The following HEATR5A variants were observed in gnomAD, a reference collection of about 807,000 sequenced individuals.
HEATR5A encodes HEAT repeat-containing protein 5A.
In HEATR5A, 178 loss-of-function variants were observed where a neutral mutation model predicts 218.8. The observed-to-expected ratio is 0.81, with a 90% CI of 0.72 to 0.92. The LOEUF is 0.92. Among genes scored for constraint, HEATR5A ranks in the 40% least tolerant of loss-of-function variants. HEATR5A has a pLI of 0.00. For synonymous variants in HEATR5A, 864 were observed against 871.6 expected (o/e 0.99, Z 0.15); for missense variants, 2,420 against 2,418.9 (o/e 1.00, Z -0.01).
At chr14:31,370,836 C>A (rs969688187) in intron 13 of HEATR5A, among the ~76,000 whole-genome samples, 1 of 152,060 alleles carries the variant, frequency 6.6e-6, no homozygotes, top group African/African-American at 2.4e-5. Context: ...GTAATTTTTG[C>A]CTGATCAAAA....
chr14:31,408,899 G>A (rs61994160), intron 1 of HEATR5A, among the ~76,000 whole-genome samples: 28,000 of 113,214 alleles, frequency 0.25, 4,829 homozygotes, highest in Non-Finnish European at 0.36. Flanking sequence ...AGACCATCCC[G>A]GCTAAAACGG....
intron 32 of HEATR5A, 56 bp downstream of exon 32, chr14:31,304,849 C>T (rs2139135992): frequency 6.4e-7 from 1 of 1,561,422 alleles, no homozygotes; most frequent in Non-Finnish European, 8.7e-7. Context: ...ACTCCATTAT[C>T]TATTAAAACC....
intron 4 of HEATR5A, among the ~76,000 whole-genome samples, chr14:31,396,643 G>C (rs1232360685): frequency 6.6e-6 from 1 of 152,064 alleles, no homozygotes; most frequent in East Asian, 1.9e-4. Context: ...AAAAGTCATA[G>C]GTGAACATAA....
chr14:31,295,186 T>C (rs951987246), intron 34 of HEATR5A, among the ~76,000 whole-genome samples: 1 of 152,100 alleles, frequency 6.6e-6, no homozygotes, highest in African/African-American at 2.4e-5. Context: ...TGGGATAAAT[T>C]TGTGTGTATT....
At chr14:31,301,984 C>T (rs1052229887) in intron 33 of HEATR5A, among the ~76,000 whole-genome samples, 5 of 150,304 alleles carry the variant, frequency 3.3e-5, no homozygotes, top group Non-Finnish European at 7.4e-5. Flanking sequence ...AGGTATGTGC[C>T]ACCAGAATCG....
intron 21 of HEATR5A, among the ~76,000 whole-genome samples, chr14:31,339,882 T>C (rs1900788412): frequency 6.6e-6 from 1 of 152,214 alleles, no homozygotes; most frequent in Non-Finnish European, 1.5e-5. Flanking sequence ...TACAAGACAA[T>C]TTTAAAGGAA....
chr14:31,311,815 C>T (rs915612132), intron 28 of HEATR5A, among the ~76,000 whole-genome samples: 1 of 152,138 alleles, frequency 6.6e-6, no homozygotes, highest in Non-Finnish European at 1.5e-5. Flanking sequence ...GGGTGTCACT[C>T]GCATCAATCA....
At chr14:31,322,954 G>A (rs1344460952) in intron 24 of HEATR5A, among the ~76,000 whole-genome samples, 3 of 145,320 alleles carry the variant, frequency 2.1e-5, no homozygotes, top group African/African-American at 5.6e-5. Flanking sequence ...AGTAAGAGGT[G>A]GTCAAAATGG....
At chr14:31,345,815 A>G (rs114697849) in intron 19 of HEATR5A, among the ~76,000 whole-genome samples, 2,722 of 152,236 alleles carry the variant, frequency 0.018, 71 homozygotes, top group African/African-American at 0.061. Context: ...TGGGGTATTG[A>G]TAATGGACTG....
chr14:31,347,771 C>G lies in HEATR5A; in HGVS notation c.2845G>C (p.Asp949His). ...ACCTGCACATCAGGAGAAGTGCTGT[C>G]CTGCGCCAAAGTATAAAGGATTCCA... ...CIGILYTLAQ[D>H]STSPDVQTWA... Residue 949 changes from aspartate (D) to histidine (H), a missense_variant, in exon 19 of 36, where the codon GAC (aspartate) becomes CAC (histidine). Transcript: ENST00000543095. The G allele has an allele frequency of 6.2e-7, 1 of 1,606,852 alleles. No individual in the cohort carries two copies. Among genetic ancestry groups the G allele is most frequent in the Non-Finnish European group, 8.5e-7 (1 of 1,177,412 alleles).
At chr14:31,367,857 T>C (rs1489139148) in intron 13 of HEATR5A, among the ~76,000 whole-genome samples, 1 of 151,960 alleles carries the variant, frequency 6.6e-6, no homozygotes, top group Non-Finnish European at 1.5e-5. Context: ...AACACACCAA[T>C]AGAGAGCACA....
At chr14:31,325,888 A>C (rs1900252026) in intron 23 of HEATR5A, 1 of 439,088 alleles carries the variant, frequency 2.3e-6, no homozygotes, top group South Asian at 2.5e-5. Context: ...TTAGGGCATA[A>C]ACAATAACTT....
At chr14:31,341,975 TG>T (rs1444741263) in intron 21 of HEATR5A, among the ~76,000 whole-genome samples, 1 of 152,176 alleles carries the variant, frequency 6.6e-6, no homozygotes. Flanking sequence ...AGTCCCTGAA[TG>T]GTACAGGTAA....
chr14:31,359,007 CA>C lies in HEATR5A; in HGVS notation c.2121del (p.Asp708IlefsTer21), dbSNP rs1901522116. On this transcript the variant is annotated frameshift_variant, in exon 15 of 36. Coordinates refer to ENST00000543095, the MANE Select transcript of HEATR5A (RefSeq NM_015473.4). LOFTEE classifies it high-confidence loss of function. ...LRELAADLTA[P>X]DIQVAASTFL... Reference sequence around the variant, plus strand: ...AATGTAGATGCTGCCACCTGAATATCAGGGGCAGTCAAGTCAGCAGCCAGCT... The same window carrying C: ...AATGTAGATGCTGCCACCTGAATATCGGGGCAGTCAAGTCAGCAGCCAGCT... 6.3e-7 allele frequency: 1 copy of C among 1,587,176 alleles called. No individual in the cohort carries two copies. The highest frequency in any genetic ancestry group is 1.2e-5 in the South Asian group (1 of 85,318).
intron 21 of HEATR5A, among the ~76,000 whole-genome samples, chr14:31,339,289 G>C (rs1044633160): frequency 5.4e-5 from 8 of 148,716 alleles, no homozygotes; most frequent in African/African-American, 2.0e-4. Flanking sequence ...GTCTCTACTA[G>C]TAACATAAAA....
intron 16 of HEATR5A, among the ~76,000 whole-genome samples, chr14:31,357,771 A>C (rs1901475777): frequency 6.6e-6 from 1 of 152,250 alleles, no homozygotes; most frequent in African/African-American, 2.4e-5. Context: ...TGATGTTTTT[A>C]ACGAGGCTTT....
In HEATR5A at chr14:31,296,003, A is replaced by C. The variant is rs747524579; in HGVS notation, c.5525T>G (p.Ile1842Ser). The C allele has an allele frequency of 6.2e-7, 1 of 1,613,470 alleles. No individual in the cohort carries two copies. Among genetic ancestry groups the C allele is most frequent in the South Asian group, 1.1e-5 (1 of 91,068 alleles). Residue 1842 changes from isoleucine to serine, a missense_variant, in exon 34 of 36, where the codon ATT (isoleucine) becomes AGT (serine). Transcript: ENST00000543095. The stretch of plus-strand genomic sequence containing the variant: ...AGTTACTTCTGGACTGGTAGACAAA[A>C]TAAACACTGTGATAGCAGTAAGTAG... ...VSLLTAITVF[I>S]LSTSPEVTTI...
chr14:31,374,731 A>T lies in HEATR5A; in HGVS notation c.1861+85T>A. On this transcript the variant is annotated intron_variant, in intron 12 of 35. Transcript: ENST00000543095. The stretch of plus-strand genomic sequence containing the variant: ...GTGGCATATCCCCCTGCCTCGTGTT[A>T]AATAAAACATACAAGTACATGTTAA... 3.9e-6 allele frequency: 5 copies of T among 1,297,036 alleles called. No individual in the cohort carries two copies. The South Asian group carries it at 4.8e-5, about 12-fold the overall frequency. 80.3% of individuals were successfully genotyped at this position (1,297,036 alleles called of 1,614,324 possible). A position where few individuals can be genotyped will look rare whatever the true frequency, so the allele number is the denominator to read the frequency against.
intron 11 of HEATR5A, 130 bp from the exon 12 acceptor site, chr14:31,375,098 T>C (rs1902178422): frequency 8.0e-6 from 6 of 751,592 alleles, no homozygotes; most frequent in East Asian, 2.7e-5. Context: ...CCCTTTCTTA[T>C]CTTCAGGTTC....
Sources: gnomAD v4.1 joint callset for allele counts (sites outside exome capture counted in the v4.1 genomes callset) on GRCh38, gnomAD v4.1.1 for gene constraint, MANE v1.5 for transcripts, NCBI Gene and HGNC (gene_info 2026-07-23, HGNC 2026-07-21) for gene names.